The following PEBP4 variants were observed in gnomAD, a reference collection of about 807,000 sequenced individuals.
PEBP4 encodes phosphatidylethanolamine-binding protein 4.
PEBP4 carries 22 observed loss-of-function variants against 23.9 expected under a neutral mutation model. That is an observed-to-expected ratio of 0.92 (90% CI 0.66 to 1.31). PEBP4 has a LOEUF of 1.31. PEBP4 is among the 40% of genes most tolerant of loss of function. PEBP4 has a pLI of 0.00. For synonymous variants in PEBP4, 112 were observed against 99.3 expected (o/e 1.13, Z -0.76); for missense variants, 324 against 281.7 (o/e 1.15, Z -1.07).
At chr8:22,820,525 T>C (rs999223620) in intron 3 of PEBP4, among the ~76,000 whole-genome samples, 3 of 152,198 alleles carry the variant, frequency 2.0e-5, no homozygotes, top group Non-Finnish European at 4.4e-5. Flanking sequence ...TTTCTGATGT[T>C]CTAAATGCTT....
At chr8:22,911,731 C>T (rs576085527) in intron 3 of PEBP4, among the ~76,000 whole-genome samples, 2 of 152,092 alleles carry the variant, frequency 1.3e-5, no homozygotes, top group South Asian at 2.1e-4. Context: ...GTGAACAGAT[C>T]CCAAACATGT....
chr8:22,898,129 C>T lies in PEBP4; in HGVS notation c.258+22055G>A, dbSNP rs181198009. On this transcript the variant is annotated intron_variant, in intron 3 of 6. Transcript: ENST00000256404. The stretch of plus-strand genomic sequence containing the variant: ...CCAGCCAGCCAGGCGCAGTGGCTCA[C>T]GCCTGTAATCCCAGCACTTTGGGAA... Among the ~76,000 whole-genome samples, 806 of 151,806 alleles carry T rather than the reference C, an allele frequency of 5.3e-3. 4 individuals are homozygous for T. Among genetic ancestry groups the T allele is most frequent in the African/African-American group, 0.018 (743 of 41,370 alleles).
intron 3 of PEBP4, among the ~76,000 whole-genome samples, chr8:22,820,671 A>G (rs1349553237): frequency 1.3e-5 from 2 of 152,176 alleles, no homozygotes; most frequent in Non-Finnish European, 2.9e-5. Context: ...TCAGTAAAGT[A>G]TCAGGAAAAG....
chr8:22,793,185 TTTTTC>T lies in PEBP4; in HGVS notation c.357+24447_357+24451del, dbSNP rs1380116729. ...TGTGCTCTAATTACTTTTCATTTGCTTTTTCTTTTCATGTAAAAAATGGCACAATT... is the reference window on the plus strand; with the variant it reads ...TGTGCTCTAATTACTTTTCATTTGCTTTTTCATGTAAAAAATGGCACAATT... On this transcript the variant is annotated intron_variant, in intron 4 of 6. Coordinates refer to ENST00000256404, the MANE Select transcript of PEBP4 (RefSeq NM_144962.3). Among the ~76,000 whole-genome samples, 7 of 152,310 alleles carry T rather than the reference TTTTTC, an allele frequency of 4.6e-5. No individual in the cohort carries two copies. In the East Asian group the frequency reaches 9.6e-4, roughly 21 times the overall value.
At chr8:22,910,934 A>ACTATGGATT (rs56262124) in intron 3 of PEBP4, among the ~76,000 whole-genome samples, 22,225 of 151,856 alleles carry the variant, frequency 0.15, 1,819 homozygotes, top group Middle Eastern at 0.2. Context: ...CCTAATGTGA[A>ACTATGGATT]CTATGGATTT....
intron 4 of PEBP4, among the ~76,000 whole-genome samples, chr8:22,804,683 C>T (rs12679264): frequency 0.16 from 23,959 of 152,064 alleles, 2,434 homozygotes; most frequent in East Asian, 0.29. Context: ...TTCACATCCC[C>T]TGAGAAGCCT....
chr8:22,904,638 T>A (rs1356112668), intron 3 of PEBP4, among the ~76,000 whole-genome samples: 1 of 152,220 alleles, frequency 6.6e-6, no homozygotes. Context: ...GGAGATCCAA[T>A]GTTAACATTT....
At chr8:22,784,991 G>A (rs1280060605) in intron 4 of PEBP4, among the ~76,000 whole-genome samples, 1 of 152,166 alleles carries the variant, frequency 6.6e-6, no homozygotes, top group Non-Finnish European at 1.5e-5. Flanking sequence ...ACAGAAACGG[G>A]CCACGTGTGC....
At chr8:22,808,230 GCCATCCAT>G (rs139934006) in intron 4 of PEBP4, among the ~76,000 whole-genome samples, 1 of 142,556 alleles carries the variant, frequency 7.0e-6, no homozygotes, top group Non-Finnish European at 1.5e-5. Context: ...CCAACCTCTA[GCCATCCAT>G]CCATCCATCC....
intron 4 of PEBP4, among the ~76,000 whole-genome samples, chr8:22,788,038 G>A (rs1806062937): frequency 6.6e-6 from 1 of 152,136 alleles, no homozygotes; most frequent in Admixed American, 6.5e-5. Flanking sequence ...AAGTGGGTGT[G>A]GCTGGAGGCT....
intron 4 of PEBP4, among the ~76,000 whole-genome samples, chr8:22,730,748 G>A (rs1300302763): frequency 6.6e-6 from 1 of 152,200 alleles, no homozygotes; most frequent in Non-Finnish European, 1.5e-5. Flanking sequence ...CACCACTCCT[G>A]TCGAGTCTGA....
At chr8:22,853,958 A>T (rs1400318037) in intron 3 of PEBP4, among the ~76,000 whole-genome samples, 2 of 152,226 alleles carry the variant, frequency 1.3e-5, no homozygotes, top group African/African-American at 2.4e-5. Context: ...CAAGAACAAC[A>T]AACCTCACCA....
intron 4 of PEBP4, among the ~76,000 whole-genome samples, chr8:22,805,952 A>G (rs1806486404): frequency 6.6e-6 from 1 of 152,184 alleles, no homozygotes. Context: ...TAACTCTTCA[A>G]TGGTCTGAAA....
intron 6 of PEBP4, among the ~76,000 whole-genome samples, chr8:22,714,205 C>T (rs560555331): frequency 3.8e-4 from 58 of 152,242 alleles, no homozygotes; most frequent in African/African-American, 1.3e-3. Context: ...GGGGAGAAAA[C>T]ACAAGTGTGT....
At chr8:22,746,561 T>C (rs552296556) in intron 4 of PEBP4, among the ~76,000 whole-genome samples, 3 of 151,870 alleles carry the variant, frequency 2.0e-5, no homozygotes, top group East Asian at 3.9e-4. Flanking sequence ...TTCCTCCCTG[T>C]CCTCTCTCCT....
intron 4 of PEBP4, among the ~76,000 whole-genome samples, chr8:22,796,049 C>T (rs1585277137): frequency 6.6e-6 from 1 of 152,190 alleles, no homozygotes; most frequent in East Asian, 1.9e-4. Context: ...GTATGCTCTC[C>T]AAGCCCAAAG....
At chr8:22,788,184 G>T (rs938762618) in intron 4 of PEBP4, among the ~76,000 whole-genome samples, 2 of 152,194 alleles carry the variant, frequency 1.3e-5, no homozygotes, top group African/African-American at 4.8e-5. Context: ...CAAAAGGGCA[G>T]GTGGCAGTGG....
At chr8:22,813,442 T>G (rs1430465337) in intron 4 of PEBP4, among the ~76,000 whole-genome samples, 2 of 152,222 alleles carry the variant, frequency 1.3e-5, no homozygotes, top group Non-Finnish European at 2.9e-5. Flanking sequence ...TGGAAAGTAT[T>G]AATATACCAT....
intron 3 of PEBP4, among the ~76,000 whole-genome samples, chr8:22,906,412 A>G (rs1563256476): frequency 2.0e-5 from 3 of 152,202 alleles, no homozygotes; most frequent in Non-Finnish European, 4.4e-5. Context: ...CTATCTGCAT[A>G]GCCATGTGTC....
Sources: gnomAD v4.1 joint callset for allele counts (sites outside exome capture counted in the v4.1 genomes callset) on GRCh38, gnomAD v4.1.1 for gene constraint, MANE v1.5 for transcripts, NCBI Gene and HGNC (gene_info 2026-07-23, HGNC 2026-07-21) for gene names.